The following RASA3 variants were observed in gnomAD, a reference collection of about 807,000 sequenced individuals.
RASA3 encodes the protein ras GTPase-activating protein 3.
Under a neutral mutation model 110.0 loss-of-function variants are expected in RASA3, and 73 were observed. The observed-to-expected ratio is 0.66, with a 90% CI of 0.55 to 0.81. The LOEUF (loss-of-function observed/expected upper bound fraction) is 0.81. RASA3 is among the 30% of genes least tolerant of loss of function. The pLI is 0.00. For missense variants in RASA3, 976 were observed against 1,113.2 expected, an observed-to-expected ratio of 0.88 and a Z score of 1.75; for synonymous variants, 500 against 451.4, an observed-to-expected ratio of 1.11 and a Z score of -1.37.
rs776869057 is a variant in RASA3, at chr13:114,115,844, T to A, written c.55+16591A>T. Among the ~76,000 whole-genome samples, 2 of 152,228 alleles carry A rather than the reference T, an allele frequency of 1.3e-5. No homozygotes were observed. The highest frequency in any genetic ancestry group is 2.9e-5 in the Non-Finnish European group (2 of 68,038). ...ATGTATGTGTTTGTGTGAAGCTGTA[T>A]TTAAATGTGAGATTATTCTTCTTGG... On this transcript the variant is annotated intron_variant, in intron 1 of 23. Transcript: ENST00000334062. This position sits in a 1 kb window ranked among gnomAD's most constrained non-coding sequence, Gnocchi z 5.0.
At chr13:114,082,636 C>T (rs1262691269) in intron 1 of RASA3, among the ~76,000 whole-genome samples, 1 of 152,150 alleles carries the variant, frequency 6.6e-6, no homozygotes, top group Admixed American at 6.5e-5. Flanking sequence ...CGTCTGGGGG[C>T]AGCCCCAGAG....
intron 9 of RASA3, among the ~76,000 whole-genome samples, chr13:114,020,100 T>C: frequency 2.8e-5 from 1 of 36,286 alleles, no homozygotes; most frequent in East Asian, 8.5e-4. Flanking sequence ...TCCGAGGCAT[T>C]AGCCCCCCTC....
In RASA3 at chr13:114,001,956, G is replaced by A. The variant is rs1055284935; in HGVS notation, c.1743-1024C>T. 4.6e-5 allele frequency among the ~76,000 whole-genome samples: 7 copies of A among 152,268 alleles called. No homozygotes were observed. The East Asian group carries it at 7.7e-4, about 17-fold the overall frequency. ...GGGAGCAGGAGACAGGATGGCCACC[G>A]AGGATGCAAGGCCTCAGCGAGGAGG... is the stretch of plus-strand genomic sequence containing the variant. On this transcript the variant is annotated intron_variant, in intron 18 of 23. Transcript: ENST00000334062.
At chr13:114,081,546 G>A (rs967630762) in intron 1 of RASA3, among the ~76,000 whole-genome samples, 3 of 152,146 alleles carry the variant, frequency 2.0e-5, no homozygotes, top group Admixed American at 1.3e-4. Flanking sequence ...GAATGCCTCT[G>A]GAATATCCTG....
intron 3 of RASA3, among the ~76,000 whole-genome samples, chr13:114,047,345 G>C (rs969445790): frequency 3.3e-5 from 5 of 152,236 alleles, no homozygotes; most frequent in African/African-American, 1.2e-4. Flanking sequence ...GCCACAGTGA[G>C]ACAGTACACA....
At chr13:114,028,582 AGCATCATCCTGGGGCAACCTCTAAAACG>A (rs1346284817) in intron 5 of RASA3, among the ~76,000 whole-genome samples, 5 of 148,030 alleles carry the variant, frequency 3.4e-5, no homozygotes, top group East Asian at 2.1e-4. Context: ...CTTCTAAAAC[AGCATCATCCTGGGGCAACCTCTAAAACG>A]GCATCATCCT....
chr13:114,001,007 A>C (rs1241975467), intron 18 of RASA3, 75 bp from the exon 19 acceptor site: 2 of 925,084 alleles, frequency 2.2e-6, no homozygotes, highest in Non-Finnish European at 1.8e-6. Flanking sequence ...CACACCCCCC[A>C]CTTTCTGCGT....
chr13:114,053,632 C>T (rs2079190800), intron 2 of RASA3, among the ~76,000 whole-genome samples: 1 of 152,218 alleles, frequency 6.6e-6, no homozygotes, highest in South Asian at 2.1e-4. Context: ...GCTCAGACCC[C>T]GCACCCATCT....
intron 22 of RASA3, among the ~76,000 whole-genome samples, chr13:113,990,220 T>C (rs2053075557): frequency 6.6e-6 from 1 of 152,116 alleles, no homozygotes. Flanking sequence ...TCTTCTTTTC[T>C]TTATAGCAAC....
chr13:114,100,867 G>C (rs2139737535), intron 1 of RASA3, among the ~76,000 whole-genome samples: 1 of 152,354 alleles, frequency 6.6e-6, no homozygotes, highest in South Asian at 2.1e-4. Context: ...GTGACTGACA[G>C]GTGGACTGCG....
At chr13:114,060,249 G>A (rs2079316491) in intron 2 of RASA3, among the ~76,000 whole-genome samples, 1 of 152,212 alleles carries the variant, frequency 6.6e-6, no homozygotes, top group Non-Finnish European at 1.5e-5. Context: ...AGGTCAGGGT[G>A]CAGCCGAGGT....
At chr13:114,058,457 C>T (rs552591587) in intron 2 of RASA3, among the ~76,000 whole-genome samples, 33 of 152,364 alleles carry the variant, frequency 2.2e-4, no homozygotes, top group African/African-American at 5.3e-4. Context: ...GTCACCAGAC[C>T]GGACGGAAAA....
chr13:114,070,901 G>A (rs1213440932), intron 2 of RASA3, among the ~76,000 whole-genome samples: 24 of 129,760 alleles, frequency 1.8e-4, no homozygotes, highest in Admixed American at 4.0e-4. Flanking sequence ...GCTAAACGGC[G>A]CCACAGTTTT....
intron 2 of RASA3, among the ~76,000 whole-genome samples, chr13:114,072,570 G>A (rs955400072): frequency 3.3e-5 from 5 of 152,116 alleles, no homozygotes; most frequent in African/African-American, 7.2e-5. Flanking sequence ...TGTGGAGTGC[G>A]AGCTTCCCGG....
intron 3 of RASA3, among the ~76,000 whole-genome samples, chr13:114,045,965 G>A (rs1456197423): frequency 6.6e-6 from 1 of 152,184 alleles, no homozygotes; most frequent in African/African-American, 2.4e-5. Flanking sequence ...CATGTCCATG[G>A]ATTTGAAGAC....
At chr13:114,034,452 C>T (rs1163722872) in intron 4 of RASA3, among the ~76,000 whole-genome samples, 4 of 151,864 alleles carry the variant, frequency 2.6e-5, no homozygotes, top group Non-Finnish European at 5.9e-5. Flanking sequence ...GCAGGCTGTG[C>T]GGCCCCCGTG....
chr13:114,102,341 C>T (rs988545052), intron 1 of RASA3, among the ~76,000 whole-genome samples: 3 of 151,936 alleles, frequency 2.0e-5, no homozygotes, highest in South Asian at 2.1e-4. Context: ...ACCAGACTGT[C>T]GGACCTGTGC....
intron 1 of RASA3, among the ~76,000 whole-genome samples, chr13:114,081,715 C>T (rs559804769): frequency 1.5e-4 from 23 of 152,232 alleles, no homozygotes; most frequent in East Asian, 7.7e-4. Flanking sequence ...GGTTCAAAAC[C>T]GAAGTTTCAC....
chr13:113,991,592 G>A (rs1251720079), intron 22 of RASA3, among the ~76,000 whole-genome samples: 2 of 152,152 alleles, frequency 1.3e-5, no homozygotes, highest in Non-Finnish European at 2.9e-5. Flanking sequence ...GTCCCCATGT[G>A]GTCTAACTGG....
Sources: gnomAD v4.1 joint callset for allele counts (sites outside exome capture counted in the v4.1 genomes callset) on GRCh38, gnomAD v4.1.1 for gene constraint, Gnocchi (gnomAD v3.1) non-coding constraint, MANE v1.5 for transcripts, NCBI Gene and HGNC (gene_info 2026-07-23, HGNC 2026-07-21) for gene names.